VSTM2A: variants seen among roughly 807,000 people sequenced by gnomAD.
VSTM2A encodes V-set and transmembrane domain containing 2A, also known as V-set and transmembrane domain-containing protein 2A.
Under a neutral mutation model 27.3 loss-of-function variants are expected in VSTM2A, and 13 were observed. That is an observed-to-expected ratio of 0.48 (90% confidence interval 0.31 to 0.76). VSTM2A has a LOEUF of 0.76. VSTM2A is among the 30% of genes least tolerant of loss of function. The pLI is 0.05. For synonymous variants in VSTM2A, 142 were observed against 125.7 expected (o/e 1.13, Z -0.87); for missense variants, 280 against 310.0 (o/e 0.90, Z 0.73).
At chr7:54,556,599 T>G (rs1788368761) in intron 4 of VSTM2A, among the ~76,000 whole-genome samples, 1 of 152,248 alleles carries the variant, frequency 6.6e-6, no homozygotes, top group Non-Finnish European at 1.5e-5. Flanking sequence ...TAAATTAATT[T>G]AATCATTGTA....
intron 3 of VSTM2A, 106 bp from the exon 4 acceptor site, chr7:54,549,728 C>A (rs1584049381): frequency 9.7e-7 from 1 of 1,034,332 alleles, no homozygotes; most frequent in Non-Finnish European, 1.4e-6. Context: ...GGCTATGGGG[C>A]CATTAAGACC....
chr7:54,548,305 A>G (rs916686060), intron 3 of VSTM2A, among the ~76,000 whole-genome samples: 2 of 152,090 alleles, frequency 1.3e-5, no homozygotes, highest in Non-Finnish European at 2.9e-5. Flanking sequence ...ATAAAAGTTA[A>G]TGAGTAGAAG....
chr7:54,549,878 T>C lies in VSTM2A; in HGVS notation c.342T>C (p.Ile114=). Residue 114 remains isoleucine, a synonymous_variant, in exon 4 of 5, where the codon ATT becomes ATC. Transcript: ENST00000402613. ...QGNDISHKLQ[I]SKVRKKDEGL... The stretch of plus-strand genomic sequence containing the variant: ...ATGACATCTCCCACAAGCTTCAGAT[T>C]TCCAAAGTGAGGAAAAAGGATGAAG... 6.2e-7 allele frequency: 1 copy of C among 1,611,630 alleles called. No homozygotes were observed. The highest frequency in any genetic ancestry group is 8.5e-7 in the Non-Finnish European group (1 of 1,179,032).
chr7:54,562,249 C>T (rs7794506), intron 4 of VSTM2A, among the ~76,000 whole-genome samples: 3 of 152,128 alleles, frequency 2.0e-5, no homozygotes, highest in African/African-American at 7.2e-5. Context: ...TAAATCATGG[C>T]TATATCTTTA....
intron 3 of VSTM2A, among the ~76,000 whole-genome samples, chr7:54,548,868 C>T (rs773310005): frequency 9.4e-4 from 142 of 151,472 alleles, no homozygotes; most frequent in Non-Finnish European, 1.8e-3. Flanking sequence ...AAATAACTTT[C>T]GGCCTCCTTC....
intron 3 of VSTM2A, 72 bp from the exon 4 acceptor site, chr7:54,549,762 G>T: frequency 7.2e-7 from 1 of 1,388,184 alleles, no homozygotes; most frequent in South Asian, 1.5e-5. Context: ...ATATTAGCAA[G>T]CTCAGGGTAA....
At chr7:54,554,096 A>G in intron 4 of VSTM2A, 1 of 1,550,166 alleles carries the variant, frequency 6.5e-7, no homozygotes. Flanking sequence ...GGTCGCTCGC[A>G]CTCCCAAAGC....
At chr7:54,565,633 C>T (rs1461034331) in intron 4 of VSTM2A, among the ~76,000 whole-genome samples, 1 of 152,246 alleles carries the variant, frequency 6.6e-6, no homozygotes, top group African/African-American at 2.4e-5. Context: ...GCCCTGACCT[C>T]TCCAGGCAGT....
In VSTM2A at chr7:54,569,174, G is replaced by A. The variant is rs1283400782; in HGVS notation, c.678G>A (p.Lys226=). Residue 226 remains lysine, a synonymous_variant, in exon 5 of 5, where the codon AAG becomes AAA. Coordinates refer to ENST00000402613, the MANE Select transcript of VSTM2A (RefSeq NM_001301009.2). ...TAAAATCTACGGAGCGGACAGCAAA[G>A]TTGACCCTAAACTCCAAGCACCACC... ...SPVKSTERTA[K]LTLNSKHHPA... 2 of 1,551,952 alleles carry A rather than the reference G, an allele frequency of 1.3e-6. No individual in the cohort carries two copies. The highest frequency in any genetic ancestry group is 1.4e-5 in the African/African-American group (1 of 73,074).
intron 3 of VSTM2A, among the ~76,000 whole-genome samples, chr7:54,548,113 C>T (rs1445935229): frequency 6.6e-6 from 1 of 152,024 alleles, no homozygotes; most frequent in Admixed American, 6.6e-5. Context: ...TTTTATTTTT[C>T]ACATACATAT....
chr7:54,553,441 C>A (rs964823), intron 4 of VSTM2A, among the ~76,000 whole-genome samples: 112,685 of 152,156 alleles, frequency 0.74, 41,860 homozygotes, highest in South Asian at 0.82. Flanking sequence ...TAGATCATAT[C>A]AAACCCACTC....
chr7:54,543,153 G>T (rs1208497415), intron 1 of VSTM2A, among the ~76,000 whole-genome samples: 1 of 152,130 alleles, frequency 6.6e-6, no homozygotes, highest in Non-Finnish European at 1.5e-5. Flanking sequence ...AACAAACACA[G>T]GGCTGGATAC....
chr7:54,557,215 C>G (rs1788392083), intron 4 of VSTM2A: 1 of 152,318 alleles, frequency 6.6e-6, no homozygotes, highest in Non-Finnish European at 1.5e-5. Flanking sequence ...CTGGCTCTGC[C>G]TACTCATTTG....
chr7:54,569,458 A>G lies in VSTM2A; in HGVS notation c.*239A>G, dbSNP rs1788825574. On this transcript the variant is annotated 3_prime_UTR_variant, in exon 5 of 5. Coordinates refer to ENST00000402613, the MANE Select transcript of VSTM2A (RefSeq NM_001301009.2). ...GTCATCAGGATAGGGAATATTTACTATGGATACCACTAATTTCCTACTAAA... is the reference window on the plus strand; with the variant it reads ...GTCATCAGGATAGGGAATATTTACTGTGGATACCACTAATTTCCTACTAAA... 6.7e-6 allele frequency: 4 copies of G among 592,868 alleles called. No individual in the cohort carries two copies. The highest frequency in any genetic ancestry group is 8.4e-6 in the Non-Finnish European group (3 of 357,396). The allele number at this position is 592,868 out of a possible 1,614,324, so 36.7% of individuals were successfully genotyped here. A position where few individuals can be genotyped will look rare whatever the true frequency, so the allele number is the denominator to read the frequency against.
chr7:54,550,088 C>T lies in VSTM2A; in HGVS notation c.552C>T (p.Ile184=), dbSNP rs771743641. ...KNVSAAIPSS[I]HGSANQRTHS... ...TCTCCGCAGCCATCCCCAGCAGCAT[C>T]CATGGCTCTGCCAACCAACGAACGC... Residue 184 remains isoleucine, a synonymous_variant, in exon 4 of 5, where the codon ATC becomes ATT. Coordinates refer to ENST00000402613, the MANE Select transcript of VSTM2A (RefSeq NM_001301009.2). 16 of 1,608,620 alleles carry T rather than the reference C, an allele frequency of 9.9e-6. No individual in the cohort carries two copies. Among genetic ancestry groups the T allele is most frequent in the Non-Finnish European group, 1.4e-5 (16 of 1,177,592 alleles).
At position 54,569,164 on chromosome 7, in the gene VSTM2A, G is replaced by A. The variant is rs1354959945; in HGVS notation, c.668G>A (p.Arg223Gln). ...KSKSPVKSTERTAKLTLNSKH... is the reference protein window; with the variant it reads ...KSKSPVKSTEQTAKLTLNSKH... ...AAATCGCCTGTAAAATCTACGGAGC[G>A]GACAGCAAAGTTGACCCTAAACTCC... is the stretch of plus-strand genomic sequence containing the variant. Residue 223 changes from arginine (R) to glutamine (Q), a missense_variant, in exon 5 of 5, where the codon CGG (arginine) becomes CAG (glutamine). Physicochemically the swap from Arg to Gln is conservative, Grantham distance 43. Coordinates refer to ENST00000402613, the MANE Select transcript of VSTM2A (RefSeq NM_001301009.2). 8 of 1,552,430 alleles carry A rather than the reference G, an allele frequency of 5.2e-6. No individual in the cohort carries two copies. Among genetic ancestry groups the A allele is most frequent in the African/African-American group, 2.7e-5 (2 of 73,098 alleles).
intron 3 of VSTM2A, among the ~76,000 whole-genome samples, chr7:54,547,535 G>T (rs1788042266): frequency 6.6e-6 from 1 of 152,050 alleles, no homozygotes; most frequent in South Asian, 2.1e-4. Context: ...ATTATTATAG[G>T]AGCTTGACCT....
At chr7:54,545,707 AAG>A (rs1240603589) in intron 2 of VSTM2A, among the ~76,000 whole-genome samples, 6 of 86,864 alleles carry the variant, frequency 6.9e-5, no homozygotes, top group East Asian at 5.9e-4. Context: ...AGGGAAGGGA[AAG>A]AGAGAGAGGG....
At chr7:54,568,817 AAAC>A (rs1788803688) in intron 4 of VSTM2A, among the ~76,000 whole-genome samples, 1 of 152,212 alleles carries the variant, frequency 6.6e-6, no homozygotes, top group Admixed American at 6.5e-5. Flanking sequence ...CAGACAAAAC[AAAC>A]AACACCAACT....
Sources: gnomAD v4.1 joint callset for allele counts (sites outside exome capture counted in the v4.1 genomes callset) on GRCh38, gnomAD v4.1.1 for gene constraint, MANE v1.5 for transcripts, NCBI Gene and HGNC (gene_info 2026-07-23, HGNC 2026-07-21) for gene names.